Variants in DIXDC1 observed in about 807,000 individuals in gnomAD.
The protein encoded by DIXDC1 is dixin.
DIXDC1 carries 64 observed loss-of-function variants against 103.1 expected under a neutral mutation model. The observed-to-expected ratio is 0.62, with a 90% confidence interval of 0.51 to 0.76. The LOEUF (loss-of-function observed/expected upper bound fraction) is 0.76. Ranked by LOEUF, DIXDC1 falls within the 30% of genes least tolerant of loss-of-function variation. DIXDC1 has a pLI of 0.00. For missense variants in DIXDC1, 759 were observed against 834.2 expected, an observed-to-expected ratio of 0.91 and a Z score of 1.11; for synonymous variants, 266 against 298.5, an observed-to-expected ratio of 0.89 and a Z score of 1.12.
intron 1 of DIXDC1, among the ~76,000 whole-genome samples, chr11:111,950,802 C>G (rs1966779967): frequency 6.6e-6 from 1 of 152,040 alleles, no homozygotes; most frequent in Non-Finnish European, 1.5e-5. Flanking sequence ...GTGATATAGG[C>G]TTATGATGTA....
At chr11:111,971,048 T>A (rs1859906349) in intron 3 of DIXDC1, among the ~76,000 whole-genome samples, 1 of 152,208 alleles carries the variant, frequency 6.6e-6, no homozygotes, top group Non-Finnish European at 1.5e-5. Flanking sequence ...GAAATAACCC[T>A]ACTTGATATT....
intron 8 of DIXDC1, among the ~76,000 whole-genome samples, chr11:111,986,616 G>T (rs961517352): frequency 1.3e-5 from 2 of 151,684 alleles, no homozygotes; most frequent in Non-Finnish European, 2.9e-5. Flanking sequence ...TGCCTGCCTC[G>T]GCCTCCCAAA....
intron 14 of DIXDC1, 90 bp downstream of exon 14, chr11:111,993,830 C>A (rs1555174961): frequency 1.4e-6 from 2 of 1,459,380 alleles, no homozygotes; most frequent in Non-Finnish European, 1.9e-6. Flanking sequence ...AGGCCACAGG[C>A]TTGTTTGTTA....
At position 111,944,889 on chromosome 11, in the gene DIXDC1, T is replaced by A. The variant is rs144107578; in HGVS notation, c.60+7330T>A. 5.3e-5 allele frequency among the ~76,000 whole-genome samples: 8 copies of A among 152,332 alleles called. No individual in the cohort carries two copies. The East Asian group carries it at 1.5e-3, about 29-fold the overall frequency. ...TTTATTACACTGGCATCCTTTTAGCTTCCTTAGAACAAATTAGTCATGAAA... is the reference window on the plus strand; with the variant it reads ...TTTATTACACTGGCATCCTTTTAGCATCCTTAGAACAAATTAGTCATGAAA... On this transcript the variant is annotated intron_variant, in intron 1 of 19. Coordinates refer to ENST00000440460, the MANE Select transcript of DIXDC1 (RefSeq NM_001037954.4).
At chr11:111,993,621 C>G in intron 13 of DIXDC1, 33 bp downstream of exon 13, 1 of 1,613,850 alleles carries the variant, frequency 6.2e-7, no homozygotes, top group Non-Finnish European at 8.5e-7. Context: ...ACTTCCCTGC[C>G]TCTTTGGCCC....
intron 17 of DIXDC1, among the ~76,000 whole-genome samples, chr11:112,004,165 C>T (rs1158811323): frequency 8.0e-5 from 12 of 150,104 alleles, no homozygotes; most frequent in African/African-American, 2.4e-4. Context: ...CCTAAAAATA[C>T]GTAGAACTGA....
chr11:111,962,775 G>A (rs1294934363), intron 1 of DIXDC1, among the ~76,000 whole-genome samples: 14 of 152,196 alleles, frequency 9.2e-5, no homozygotes, highest in African/African-American at 3.1e-4. Context: ...ATAAAAGCCA[G>A]GTAATCAGAT....
chr11:111,961,019 A>G (rs782074307), intron 1 of DIXDC1, among the ~76,000 whole-genome samples: 1 of 152,236 alleles, frequency 6.6e-6, no homozygotes, highest in Non-Finnish European at 1.5e-5. Flanking sequence ...AGGTATGGCA[A>G]CAGCGGGCTG....
At position 112,013,391 on chromosome 11, in the gene DIXDC1, T is replaced by C. The variant is rs1413656335; in HGVS notation, c.1757-3300T>C. Among the ~76,000 whole-genome samples, 12 of 151,816 alleles carry C rather than the reference T, an allele frequency of 7.9e-5. No individual in the cohort carries two copies. The South Asian group carries it at 2.5e-3, about 31-fold the overall frequency. On this transcript the variant is annotated intron_variant, in intron 17 of 19. Transcript: ENST00000440460. ...TTATTTTCATATTTATTTTATTGTA[T>C]GGTAACTGTTTTGCTATTTCACTCC...
rs782548978 is a variant in DIXDC1, at chr11:112,017,420, T to C, written c.1863-357T>C. ...GATTTGATTCTACCATCCTAGAGAA[T>C]TGGGATATTGTAGCAAAGAAGAAAA... On this transcript the variant is annotated intron_variant, in intron 18 of 19. Coordinates refer to ENST00000440460, the MANE Select transcript of DIXDC1 (RefSeq NM_001037954.4). The surrounding 1 kb of genome is among the most constrained non-coding windows in gnomAD (Gnocchi z 4.0). Among the ~76,000 whole-genome samples the C allele has an allele frequency of 2.6e-5, 4 of 152,198 alleles. No individual in the cohort carries two copies. Among genetic ancestry groups the C allele is most frequent in the South Asian group, 2.1e-4 (1 of 4,836 alleles).
chr11:111,973,411 C>A (rs1344136860), intron 3 of DIXDC1, among the ~76,000 whole-genome samples: 1 of 151,714 alleles, frequency 6.6e-6, no homozygotes, highest in Non-Finnish European at 1.5e-5. Flanking sequence ...AATAATATTT[C>A]ATTTAACTCA....
intron 1 of DIXDC1, among the ~76,000 whole-genome samples, chr11:111,942,711 T>C (rs1966459610): frequency 6.6e-6 from 1 of 152,238 alleles, no homozygotes; most frequent in Non-Finnish European, 1.5e-5. Context: ...GGAGATGATA[T>C]CTTTCAGAAA....
chr11:111,943,047 AC>A (rs1164544740), intron 1 of DIXDC1, among the ~76,000 whole-genome samples: 1 of 152,246 alleles, frequency 6.6e-6, no homozygotes, highest in Non-Finnish European at 1.5e-5. Context: ...GGGATGAGTC[AC>A]GTCTTGGGTG....
chr11:111,996,011 A>G, intron 16 of DIXDC1, 69 bp from the exon 17 acceptor site: 1 of 1,429,218 alleles, frequency 7.0e-7, no homozygotes, highest in Non-Finnish European at 9.8e-7. Flanking sequence ...GCACACTTTT[A>G]TGATTTAAAT....
intron 3 of DIXDC1, among the ~76,000 whole-genome samples, chr11:111,969,247 G>C (rs1485506291): frequency 2.0e-5 from 3 of 151,828 alleles, no homozygotes; most frequent in Non-Finnish European, 4.4e-5. Flanking sequence ...GGGCAACATA[G>C]TTAGGCTCTG....
chr11:111,953,985 A>G (rs887732798), intron 1 of DIXDC1, among the ~76,000 whole-genome samples: 1 of 152,012 alleles, frequency 6.6e-6, no homozygotes, highest in African/African-American at 2.4e-5. Flanking sequence ...TCCCTAAACC[A>G]GAGGTCCCCA....
In DIXDC1 at chr11:111,974,965, C is replaced by A. The variant is rs1555172448; in HGVS notation, c.638C>A (p.Ser213Tyr). The A allele has an allele frequency of 6.2e-7, 1 of 1,612,250 alleles. No individual in the cohort carries two copies. Among genetic ancestry groups the A allele is most frequent in the African/African-American group, 1.3e-5 (1 of 75,014 alleles). ...QQYEGQQRSP[S>Y]ESSCSSLTSP... ...TACGAAGGGCAACAAAGGTCCCCGT[C>A]TGAATCCAGCTGCTCCAGGTAACTG... The change falls in exon 5 of 20, where the codon TCT (serine) becomes TAT (tyrosine). Residue 213 changes from serine (S) to tyrosine (Y), a missense_variant. Physicochemically the swap from Ser to Tyr is moderately radical, Grantham distance 144. This residue lies in a region of DIXDC1 where 657 missense variants were observed against 727.5 expected (regional missense o/e 0.90). Transcript: ENST00000440460.
chr11:111,953,548 G>A (rs1490074815), intron 1 of DIXDC1, among the ~76,000 whole-genome samples: 1 of 152,152 alleles, frequency 6.6e-6, no homozygotes. Context: ...TGAGGCAGGA[G>A]AATTGCTTGA....
At chr11:111,986,344 C>T (rs1260816081) in intron 8 of DIXDC1, among the ~76,000 whole-genome samples, 2 of 146,670 alleles carry the variant, frequency 1.4e-5, no homozygotes, top group African/African-American at 2.5e-5. Context: ...CCCCTGCACC[C>T]AACCCCCACC....
Sources: gnomAD v4.1 joint callset for allele counts (sites outside exome capture counted in the v4.1 genomes callset) on GRCh38, gnomAD v4.1.1 for gene constraint, gnomAD v4.1.1 regional missense constraint, Gnocchi (gnomAD v3.1) non-coding constraint, MANE v1.5 for transcripts, NCBI Gene and HGNC (gene_info 2026-07-23, HGNC 2026-07-21) for gene names.